Variants in USP20 observed in about 807,000 individuals in gnomAD.
The protein encoded by USP20 is ubiquitin specific peptidase 20, also known as ubiquitin carboxyl-terminal hydrolase 20.
USP20 carries 80 observed loss-of-function variants against 124.2 expected under a neutral mutation model. That is an observed-to-expected ratio of 0.64 (90% CI 0.54 to 0.78). The LOEUF (loss-of-function observed/expected upper bound fraction) is 0.78. Among genes scored for constraint, USP20 ranks in the 30% least tolerant of loss-of-function variants. USP20 has a pLI of 0.00. For synonymous variants in USP20, 481 were observed against 512.3 expected (o/e 0.94, Z 0.83); for missense variants, 1,043 against 1,244.4 (o/e 0.84, Z 2.44).
chr9:129,880,267 C>G lies in USP20; in HGVS notation c.2739C>G (p.Ala913=), dbSNP rs775422138. 10 of 1,595,864 alleles carry G rather than the reference C, an allele frequency of 6.3e-6. No homozygotes were observed. The highest frequency in any genetic ancestry group is 8.5e-6 in the Non-Finnish European group (10 of 1,173,098). The change falls in exon 25 of 26, where the codon GCC becomes GCG. Residue 913 remains alanine, a synonymous_variant. Transcript: ENST00000372429. ...GEQKIEAETR[A]V is the part of the protein sequence containing the mutation. ...AGAAGATCGAAGCCGAGACGCGGGC[C>G]GTGTGATCTGCTGGGCTAGTCTGTA... is the stretch of plus-strand genomic sequence containing the variant.
intron 1 of USP20, among the ~76,000 whole-genome samples, chr9:129,840,870 A>G (rs1300084915): frequency 6.7e-6 from 1 of 150,286 alleles, no homozygotes; most frequent in Non-Finnish European, 1.5e-5. Context: ...TCCCAGGTTC[A>G]AGTGATTCTT....
intron 3 of USP20, among the ~76,000 whole-genome samples, chr9:129,854,613 T>G (rs1276313874): frequency 6.7e-6 from 1 of 150,276 alleles, no homozygotes; most frequent in Admixed American, 6.7e-5. Flanking sequence ...ATAGCAAGCA[T>G]TCGATACTTT....
At chr9:129,863,720 C>T (rs767180791) in intron 9 of USP20, among the ~76,000 whole-genome samples, 5 of 152,136 alleles carry the variant, frequency 3.3e-5, no homozygotes, top group Non-Finnish European at 7.3e-5. Flanking sequence ...AGATCAGAGT[C>T]TGTGATTAGA....
rs113966381 is a variant in USP20, at chr9:129,873,167, C to T, written c.1661-315C>T. Among the ~76,000 whole-genome samples, 48 of 133,486 alleles carry T rather than the reference C, an allele frequency of 3.6e-4. 1 individual carries two copies. Among genetic ancestry groups the T allele is most frequent in the African/African-American group, 1.0e-3 (37 of 36,466 alleles). The allele number at this position is 133,486 out of a possible 152,430, so 87.6% of individuals were successfully genotyped here. ...CATCAGCTCACTGCAGCCTCTGCCC[C>T]GAGCCCCCCAGGTTCGAGCGATTCT... On this transcript the variant is annotated intron_variant, in intron 15 of 25. Transcript: ENST00000372429.
intron 9 of USP20, 91 bp from the exon 10 acceptor site, chr9:129,865,212 G>C: frequency 7.1e-7 from 1 of 1,403,340 alleles, no homozygotes; most frequent in South Asian, 1.2e-5. Flanking sequence ...GCCACACTCT[G>C]ATCCAGCCTG....
chr9:129,877,810 T>C (rs1302524135), intron 22 of USP20, among the ~76,000 whole-genome samples: 1 of 152,054 alleles, frequency 6.6e-6, no homozygotes, highest in Non-Finnish European at 1.5e-5. Context: ...CAGTGGTTCA[T>C]GCCTGTTATC....
At chr9:129,847,945 C>G (rs1482764742) in intron 1 of USP20, among the ~76,000 whole-genome samples, 4 of 145,824 alleles carry the variant, frequency 2.7e-5, no homozygotes, top group African/African-American at 1.0e-4. Flanking sequence ...AAATCCGACT[C>G]ATGATTTAGA....
At chr9:129,844,755 G>A (rs574912418) in intron 1 of USP20, among the ~76,000 whole-genome samples, 63 of 150,776 alleles carry the variant, frequency 4.2e-4, no homozygotes, top group Non-Finnish European at 7.4e-4. Flanking sequence ...TTTTATGTCT[G>A]TGTCTGTTTC....
rs368889264 is a variant in USP20, at chr9:129,868,140, C to T, written c.826C>T (p.Arg276Trp). The T allele has an allele frequency of 1.2e-5, 20 of 1,613,964 alleles. No homozygotes were observed. The highest frequency in any genetic ancestry group is 6.7e-5 in the Admixed American group (4 of 60,002). ...CACGGATGAGAAACGGGAGGGTGAC[C>T]GGAGCCCATCAGAAGATGAGTTCTT... ...SDTDEKREGD[R>W]SPSEDEFLSC... Residue 276 changes from arginine (R) to tryptophan (W), a missense_variant, in exon 11 of 26, where the codon CGG (arginine) becomes TGG (tryptophan). Physicochemically the swap from Arg to Trp is moderately radical, Grantham distance 101. Transcript: ENST00000372429.
chr9:129,842,615 A>G (rs1162693740), intron 1 of USP20, among the ~76,000 whole-genome samples: 1 of 147,114 alleles, frequency 6.8e-6, no homozygotes, highest in Admixed American at 6.8e-5. Context: ...TTTTTTTTAG[A>G]CGGAGTCTTA....
intron 1 of USP20, among the ~76,000 whole-genome samples, chr9:129,847,938 TCCG>T: frequency 6.7e-6 from 1 of 149,270 alleles, no homozygotes. Context: ...TTTCTCTAAA[TCCG>T]ACTCATGATT....
At chr9:129,869,114 C>G in intron 12 of USP20, 112 bp downstream of exon 12, 1 of 1,450,570 alleles carries the variant, frequency 6.9e-7, no homozygotes. Context: ...GGGCTCCTCT[C>G]AGGTACACCC....
chr9:129,870,470 C>A lies in USP20; in HGVS notation c.1583C>A (p.Thr528Asn). The change falls in exon 15 of 26, where the codon ACC becomes AAC. Residue 528 changes from threonine (T) to asparagine (N), a missense_variant. Transcript: ENST00000372429. ...EYIRRFVVSC[T>N]PSWFWGPVVT... ...GTCTGTAGGTTTGTGGTATCCTGTA[C>A]CCCCAGCTGGTTTTGGGGGCCTGTC... 1 of 1,614,090 alleles carries A rather than the reference C, an allele frequency of 6.2e-7. No individual in the cohort carries two copies. The highest frequency in any genetic ancestry group is 8.5e-7 in the Non-Finnish European group (1 of 1,179,986).
chr9:129,874,088 C>T (rs1290628805), intron 17 of USP20, among the ~76,000 whole-genome samples: 2 of 152,154 alleles, frequency 1.3e-5, no homozygotes, highest in Non-Finnish European at 2.9e-5. Flanking sequence ...GCTGGTCCAG[C>T]TGGGGCTGTT....
chr9:129,835,899 T>A (rs895173376), intron 1 of USP20: 4 of 152,258 alleles, frequency 2.6e-5, no homozygotes, highest in African/African-American at 9.6e-5. Context: ...AGATGACCAC[T>A]TCTCTGCGGT....
At chr9:129,859,255 A>ATTTAT (rs71385479) in intron 6 of USP20, among the ~76,000 whole-genome samples, 6 of 69,392 alleles carry the variant, frequency 8.6e-5, no homozygotes, top group African/African-American at 2.9e-4. Context: ...TCTCTCCTCC[A>ATTTAT]TTTATTTTAT....
At chr9:129,856,194 C>T in intron 3 of USP20, 113 bp from the exon 4 acceptor site, 3 of 1,053,118 alleles carry the variant, frequency 2.8e-6, no homozygotes, top group Admixed American at 3.5e-5. Context: ...AAGCTGAGAC[C>T]TTCTGAGTGC....
chr9:129,838,293 CAGCCTCCCAAAGTG>C (rs1411691570), intron 1 of USP20, among the ~76,000 whole-genome samples: 2 of 151,992 alleles, frequency 1.3e-5, no homozygotes, highest in Non-Finnish European at 2.9e-5. Flanking sequence ...CCGCCCGCCT[CAGCCTCCCAAAGTG>C]CTGGGATTAC....
intron 10 of USP20, among the ~76,000 whole-genome samples, chr9:129,867,646 G>A (rs1220285298): frequency 1.3e-4 from 20 of 152,154 alleles, no homozygotes; most frequent in Non-Finnish European, 2.4e-4. Context: ...AAGGTGGCTC[G>A]GGCTTAATGT....
Sources: gnomAD v4.1 joint callset for allele counts (sites outside exome capture counted in the v4.1 genomes callset) on GRCh38, gnomAD v4.1.1 for gene constraint, MANE v1.5 for transcripts, NCBI Gene and HGNC (gene_info 2026-07-23, HGNC 2026-07-21) for gene names.